Variants in GLDC observed in about 807,000 individuals in gnomAD.
GLDC encodes the protein glycine dehydrogenase (decarboxylating), mitochondrial.
In GLDC, 104 loss-of-function variants were observed where a neutral mutation model predicts 121.3. The observed-to-expected ratio is 0.86, with a 90% confidence interval of 0.73 to 1.01. GLDC has a LOEUF of 1.01. Ranked by LOEUF, GLDC falls within the 50% of genes least tolerant of loss-of-function variation. GLDC has a pLI of 0.00. For missense variants in GLDC, 1,429 were observed against 1,306.6 expected, an observed-to-expected ratio of 1.09 and a Z score of -1.44; for synonymous variants, 546 against 480.6, an observed-to-expected ratio of 1.14 and a Z score of -1.78.
chr9:6,623,792 G>A (rs1347010156), intron 2 of GLDC, among the ~76,000 whole-genome samples: 1 of 152,164 alleles, frequency 6.6e-6, no homozygotes, highest in African/African-American at 2.4e-5. Context: ...CCACATCTGA[G>A]AAGATAGGCA....
intron 8 of GLDC, among the ~76,000 whole-genome samples, chr9:6,597,189 G>C (rs1397182739): frequency 1.3e-5 from 2 of 152,180 alleles, no homozygotes; most frequent in Non-Finnish European, 2.9e-5. Context: ...ACAGAAAGTA[G>C]AATAGTAGTT....
chr9:6,606,501 C>G lies in GLDC; in HGVS notation c.713+91G>C, dbSNP rs535792353. The stretch of plus-strand genomic sequence containing the variant: ...GCAAAAAACCCTGTTTCAGATTCAC[C>G]TCCAATCAGTTTGGAAGTGAGAAAG... On this transcript the variant is annotated intron_variant, in intron 5 of 24. Transcript: ENST00000321612. The G allele has an allele frequency of 1.1e-5, 10 of 886,468 alleles. No homozygotes were observed. In the East Asian group the frequency reaches 1.7e-4, roughly 15 times the overall value. The allele number at this position is 886,468 out of a possible 1,614,324, so 54.9% of individuals were successfully genotyped here.
At chr9:6,552,952 A>C (rs755318081) in intron 20 of GLDC, among the ~76,000 whole-genome samples, 34 of 149,486 alleles carry the variant, frequency 2.3e-4, no homozygotes, top group Non-Finnish European at 4.3e-4. Context: ...AATATATAGC[A>C]AAGTGAGATA....
chr9:6,584,063 T>C (rs1265992770), intron 15 of GLDC, among the ~76,000 whole-genome samples: 1 of 152,230 alleles, frequency 6.6e-6, no homozygotes, highest in Admixed American at 6.5e-5. Flanking sequence ...AAAAATACTT[T>C]AGAGTTGTGA....
chr9:6,632,943 C>G (rs973279386), intron 2 of GLDC, among the ~76,000 whole-genome samples: 1 of 152,064 alleles, frequency 6.6e-6, no homozygotes, highest in Non-Finnish European at 1.5e-5. Flanking sequence ...GCAGGCCGAT[C>G]GAGGGTCCTC....
chr9:6,587,628 T>G (rs923033493), intron 14 of GLDC, among the ~76,000 whole-genome samples: 8 of 152,212 alleles, frequency 5.3e-5, no homozygotes, highest in Non-Finnish European at 1.2e-4. Context: ...AGCAATAGAT[T>G]GTTCTCTTTC....
chr9:6,610,003 A>G (rs1477143552), intron 4 of GLDC, among the ~76,000 whole-genome samples, 189 bp downstream of exon 4: 1 of 152,182 alleles, frequency 6.6e-6, no homozygotes, highest in Non-Finnish European at 1.5e-5. Flanking sequence ...GGGTGGAGAC[A>G]CCAAGAAGGA....
At chr9:6,619,074 C>A (rs1221666862) in intron 3 of GLDC, among the ~76,000 whole-genome samples, 2 of 139,112 alleles carry the variant, frequency 1.4e-5, no homozygotes, top group Non-Finnish European at 1.5e-5. Flanking sequence ...ACTCGAAGGG[C>A]AGAGGTTGCA....
At chr9:6,639,668 A>AATATATATATATATATATATATATAT in intron 2 of GLDC, 4 of 250,592 alleles carry the variant, frequency 1.6e-5, no homozygotes, top group East Asian at 1.1e-4. Context: ...ATAAAAAAAA[A>AATATATATATATATATATATATATAT]GTATATATAT....
In GLDC at chr9:6,605,149, C is replaced by T; in HGVS notation, c.843G>A (p.Glu281=). 6.2e-7 allele frequency: 1 copy of T among 1,612,870 alleles called. No individual in the cohort carries two copies. Residue 281 remains glutamate, a synonymous_variant, in exon 6 of 25, where the codon GAG becomes GAA. Transcript: ENST00000321612. ...GKVEDFTELV[E]RAHQSGSLAC... is the part of the protein sequence containing the mutation. ...TACCTACCCCACTCTGATGAGCTCT[C>T]TCCACGAGTTCCGTAAAGTCTTCCA...
At chr9:6,574,742 C>A (rs1238860028) in intron 15 of GLDC, among the ~76,000 whole-genome samples, 1 of 152,044 alleles carries the variant, frequency 6.6e-6, no homozygotes, top group Non-Finnish European at 1.5e-5. Context: ...TTTGGGAAAT[C>A]AGAGAGGGCT....
intron 2 of GLDC, among the ~76,000 whole-genome samples, chr9:6,638,361 T>C (rs1315890864): frequency 1.3e-5 from 2 of 151,986 alleles, no homozygotes; most frequent in African/African-American, 2.4e-5. Context: ...ATTACAGGCA[T>C]GCGCCACCAC....
At chr9:6,563,812 G>A (rs7853386) in intron 16 of GLDC, among the ~76,000 whole-genome samples, 9 of 151,980 alleles carry the variant, frequency 5.9e-5, no homozygotes, top group East Asian at 3.9e-4. Context: ...TTCAATTCAC[G>A]AATGGCCTGT....
intron 2 of GLDC, among the ~76,000 whole-genome samples, chr9:6,627,146 A>T (rs1819260031): frequency 6.6e-6 from 1 of 151,960 alleles, no homozygotes; most frequent in Admixed American, 6.6e-5. Flanking sequence ...ATACAAAAAA[A>T]TTAGCCAGGT....
At chr9:6,535,804 A>C in intron 23 of GLDC, 2 of 507,576 alleles carry the variant, frequency 3.9e-6, no homozygotes, top group Non-Finnish European at 7.2e-6. Flanking sequence ...ACAGTACATC[A>C]AACAGAGATG....
intron 21 of GLDC, among the ~76,000 whole-genome samples, chr9:6,543,757 T>A (rs1384483360): frequency 6.6e-6 from 1 of 152,152 alleles, no homozygotes; most frequent in Non-Finnish European, 1.5e-5. Flanking sequence ...TAGGGCAATG[T>A]TGGGGCGATA....
At chr9:6,631,291 G>C (rs1819372621) in intron 2 of GLDC, among the ~76,000 whole-genome samples, 2 of 152,152 alleles carry the variant, frequency 1.3e-5, no homozygotes, top group Non-Finnish European at 2.9e-5. Context: ...TCCCATCTAT[G>C]TTTCTGATGA....
At chr9:6,559,445 G>A (rs1042300139) in intron 16 of GLDC, among the ~76,000 whole-genome samples, 2 of 150,560 alleles carry the variant, frequency 1.3e-5, no homozygotes, top group African/African-American at 4.9e-5. Context: ...AAACCAGGAG[G>A]TGTAGGTTGC....
At position 6,580,260 on chromosome 9, in the gene GLDC, AG is replaced by A. The variant is rs147658707; in HGVS notation, c.1850+6880del. On this transcript the variant is annotated intron_variant, in intron 15 of 24. Transcript: ENST00000321612. ...TCTCTGCTTCTATAATTGCAGGACC[AG>A]CCCACACTGGGCCTGTTCTGTTGAT... 5.7e-3 allele frequency among the ~76,000 whole-genome samples: 870 copies of A among 152,312 alleles called. 3 individuals carry two copies. Among genetic ancestry groups the A allele is most frequent in the Middle Eastern group, 0.017 (5 of 294 alleles).
Sources: gnomAD v4.1 joint callset for allele counts (sites outside exome capture counted in the v4.1 genomes callset) on GRCh38, gnomAD v4.1.1 for gene constraint, MANE v1.5 for transcripts, NCBI Gene and HGNC (gene_info 2026-07-23, HGNC 2026-07-21) for gene names.